The following CPNE5 variants were observed in gnomAD, a reference collection of about 807,000 sequenced individuals.
CPNE5 encodes copine 5, also known as copine-5.
In CPNE5, 42 loss-of-function variants were observed where a neutral mutation model predicts 81.1. The ratio of observed to expected loss-of-function variants is 0.52; its 90% CI spans 0.40 to 0.67. CPNE5 has a LOEUF of 0.67. CPNE5 is among the 30% of genes least tolerant of loss of function. CPNE5 has a pLI of 0.00. For missense variants in CPNE5, 612 were observed against 815.5 expected (o/e 0.75, Z 3.04); for synonymous variants, 313 against 321.5 (o/e 0.97, Z 0.28).
In CPNE5 at chr6:36,742,345, G is replaced by A. The variant is rs1406640242; in HGVS notation, c.1705C>T (p.Pro569Ser). The A allele has an allele frequency of 6.2e-7, 1 of 1,612,924 alleles. No homozygotes were observed. Among genetic ancestry groups the A allele is most frequent in the Non-Finnish European group, 8.5e-7 (1 of 1,179,932 alleles). The change falls in exon 21 of 21, where the codon CCC becomes TCC. Residue 569 changes from proline (P) to serine (S), a missense_variant. Physicochemically the swap from Pro to Ser is moderately conservative, Grantham distance 74. Coordinates refer to ENST00000244751, the MANE Select transcript of CPNE5 (RefSeq NM_020939.2). ...GAGGGCGAGTGGGTTGGTGCTGCGG[G>A]TGGGGGACGCGGGCGAATGCCCTGT... ...KAQGIRPRPP[P>S]AAPTHSPSQS...
intron 1 of CPNE5, among the ~76,000 whole-genome samples, chr6:36,833,967 T>C (rs370412315): frequency 4.0e-5 from 6 of 151,818 alleles, no homozygotes; most frequent in African/African-American, 1.5e-4. Context: ...TCACACCTAA[T>C]CCCAGCACTT....
At chr6:36,828,201 T>C (rs1772670018) in intron 1 of CPNE5, among the ~76,000 whole-genome samples, 1 of 150,702 alleles carries the variant, frequency 6.6e-6, no homozygotes, top group Non-Finnish European at 1.5e-5. Flanking sequence ...GCACATGTAG[T>C]CTTAGCTACT....
At chr6:36,798,088 G>C in intron 6 of CPNE5, 77 bp downstream of exon 6, 1 of 1,116,364 alleles carries the variant, frequency 9.0e-7, no homozygotes, top group South Asian at 1.3e-5. Flanking sequence ...TGACTGCTTT[G>C]TCCCCATCCT....
At chr6:36,800,160 A>G in intron 3 of CPNE5, 90 bp from the exon 4 acceptor site, 1 of 821,250 alleles carries the variant, frequency 1.2e-6, no homozygotes, top group Non-Finnish European at 1.9e-6. Flanking sequence ...AGAGCCCCTT[A>G]GTCCTGGTTC....
Position 36,830,498 on chromosome 6 carries a change from C to T in CPNE5, c.96-7400G>A, listed in dbSNP as rs187657716. 4.3e-4 allele frequency among the ~76,000 whole-genome samples: 66 copies of T among 152,342 alleles called. 2 individuals carry two copies. The highest frequency in any genetic ancestry group is 3.8e-3 in the Admixed American group (58 of 15,310). On this transcript the variant is annotated intron_variant, in intron 1 of 20. Coordinates refer to ENST00000244751, the MANE Select transcript of CPNE5 (RefSeq NM_020939.2). ...CCCTTTCAGATCCTGTTCTCACCCG[C>T]GTGCTCTGCTTCCCTGCCAAGCAAC...
At chr6:36,800,662 T>C (rs189751629) in intron 3 of CPNE5, among the ~76,000 whole-genome samples, 1 of 152,368 alleles carries the variant, frequency 6.6e-6, no homozygotes, top group East Asian at 1.9e-4. Flanking sequence ...GGGCTGGACC[T>C]AGTGACACAC....
rs905303350 is a variant in CPNE5 at position 36,746,979 on chromosome 6, T to G, written c.1019-402A>C. Among the ~76,000 whole-genome samples the G allele has an allele frequency of 4.0e-5, 6 of 151,038 alleles. No individual in the cohort carries two copies. Among genetic ancestry groups the G allele is most frequent in the African/African-American group, 1.2e-4 (5 of 40,944 alleles). On this transcript the variant is annotated intron_variant, in intron 15 of 20. Transcript: ENST00000244751. The surrounding 1 kb of genome is among the most constrained non-coding windows in gnomAD (Gnocchi z 4.5). The stretch of plus-strand genomic sequence containing the variant: ...AGTCCTCACAAGAGCCCGCAAGCAC[T>G]CATGATCTGGCCTCCAGGTCATCTC...
At chr6:36,758,315 A>G (rs988579425) in intron 12 of CPNE5, among the ~76,000 whole-genome samples, 2 of 137,204 alleles carry the variant, frequency 1.5e-5, no homozygotes, top group East Asian at 4.2e-4. Flanking sequence ...GTCTTGCTCT[A>G]TGGCCCAGGC....
intron 3 of CPNE5, among the ~76,000 whole-genome samples, chr6:36,820,675 T>A (rs910821441): frequency 6.6e-6 from 1 of 152,076 alleles, no homozygotes; most frequent in East Asian, 1.9e-4. Flanking sequence ...CAGGGTGGCA[T>A]GTGCCTGTAA....
chr6:36,779,077 C>T, intron 8 of CPNE5, 120 bp from the exon 9 acceptor site: 1 of 683,458 alleles, frequency 1.5e-6, no homozygotes, highest in South Asian at 1.7e-5. Context: ...CGACTAAGTG[C>T]CAGGCCCTTA....
At position 36,839,379 on chromosome 6, in the gene CPNE5, G is replaced by A; in HGVS notation, c.-2C>T. 6.5e-7 allele frequency: 1 copy of A among 1,543,362 alleles called. No individual in the cohort carries two copies. The highest frequency in any genetic ancestry group is 8.8e-7 in the Non-Finnish European group (1 of 1,142,074). On this transcript the variant is annotated 5_prime_UTR_variant, in exon 1 of 21. Transcript: ENST00000244751. The surrounding 1 kb of genome is among the most constrained non-coding windows in gnomAD (Gnocchi z 7.3). ...CGCCATGTCCTCAGGCTGCTCCATC[G>A]CCCACCGCACCCCCCACCCCAAATT...
chr6:36,745,616 T>A, intron 16 of CPNE5, 101 bp from the exon 17 acceptor site: 1 of 1,263,138 alleles, frequency 7.9e-7, no homozygotes, highest in Non-Finnish European at 1.1e-6. Context: ...AGGCCTGGGC[T>A]CCCCCAGGTC....
intron 9 of CPNE5, among the ~76,000 whole-genome samples, chr6:36,776,976 G>A (rs1301269825): frequency 6.6e-6 from 1 of 152,206 alleles, no homozygotes; most frequent in Non-Finnish European, 1.5e-5. Context: ...CGCTAGGCGG[G>A]CCTCCGGATC....
intron 14 of CPNE5, among the ~76,000 whole-genome samples, chr6:36,750,705 G>C (rs972814114): frequency 5.3e-5 from 8 of 152,216 alleles, no homozygotes; most frequent in Non-Finnish European, 8.8e-5. Context: ...GTCTTTGTTA[G>C]AGGTAGGGAG....
In CPNE5 at chr6:36,746,457, G is replaced by A; in HGVS notation, c.1139C>T (p.Pro380Leu). ...IQHYDSDKMF[P>L]ALGFGAKLPP... is the part of the protein sequence containing the mutation. ...CAGCTTGGCCCCGAAGCCCAGGGCA[G>A]GGAACATCTTGTCACTGTCGTAGTG... is the stretch of plus-strand genomic sequence containing the variant. The change falls in exon 16 of 21, where the codon CCT (proline) becomes CTT (leucine). Residue 380 changes from proline to leucine, a missense_variant. Physicochemically the swap from Pro to Leu is moderately conservative, Grantham distance 98. Coordinates refer to ENST00000244751, the MANE Select transcript of CPNE5 (RefSeq NM_020939.2). This position sits in a 1 kb window ranked among gnomAD's most constrained non-coding sequence, Gnocchi z 4.5. 1 of 1,613,626 alleles carries A rather than the reference G, an allele frequency of 6.2e-7. No homozygotes were observed. Among genetic ancestry groups the A allele is most frequent in the Non-Finnish European group, 8.5e-7 (1 of 1,179,764 alleles).
intron 1 of CPNE5, among the ~76,000 whole-genome samples, chr6:36,835,115 C>T (rs974614807): frequency 2.6e-5 from 4 of 152,262 alleles, no homozygotes; most frequent in Admixed American, 6.5e-5. Context: ...CTTCCAGACT[C>T]GCCCCGCCGC....
chr6:36,789,670 C>T (rs1768913047), intron 8 of CPNE5, among the ~76,000 whole-genome samples: 3 of 152,230 alleles, frequency 2.0e-5, no homozygotes, highest in Admixed American at 2.0e-4. Context: ...CAACCGAATT[C>T]TCTCCCTTGT....
At position 36,745,194 on chromosome 6, in the gene CPNE5, T is replaced by C. The variant is rs768153245; in HGVS notation, c.1329-44A>G. On this transcript the variant is annotated intron_variant, in intron 17 of 20. Coordinates refer to ENST00000244751, the MANE Select transcript of CPNE5 (RefSeq NM_020939.2). ...GGCTCAGGTCTGTCTGCGGGACCTCTGGGCATGTTCCCCCCTAAACAAGGA... is the reference window on the plus strand; with the variant it reads ...GGCTCAGGTCTGTCTGCGGGACCTCCGGGCATGTTCCCCCCTAAACAAGGA... 3.3e-6 allele frequency: 5 copies of C among 1,528,900 alleles called. No individual in the cohort carries two copies. The African/African-American group carries it at 6.8e-5, about 21-fold the overall frequency. The allele number at this position is 1,528,900 out of a possible 1,614,324, so 94.7% of individuals were successfully genotyped here. A position where few individuals can be genotyped will look rare whatever the true frequency, so the allele number is the denominator to read the frequency against.
intron 6 of CPNE5, among the ~76,000 whole-genome samples, chr6:36,797,519 C>G (rs925217989): frequency 1.3e-5 from 2 of 152,216 alleles, no homozygotes; most frequent in East Asian, 3.9e-4. Context: ...AGGGCCCTGC[C>G]CCTGGTACTT....
Sources: allele counts gnomAD v4.1 joint callset (sites outside exome capture counted in the v4.1 genomes callset), GRCh38; gene constraint gnomAD v4.1.1; non-coding constraint Gnocchi (gnomAD v3.1); transcripts MANE v1.5; gene names NCBI Gene and HGNC (gene_info 2026-07-23, HGNC 2026-07-21).